THRB: variants seen among roughly 807,000 people sequenced by gnomAD.
The protein encoded by THRB is nuclear receptor subfamily 1 group A member 2.
A neutral mutation model predicts 47.8 loss-of-function variants in THRB; 12 were observed. The observed-to-expected ratio is 0.25, with a 90% CI of 0.16 to 0.41. The LOEUF (loss-of-function observed/expected upper bound fraction) is 0.41, where lower values mean the gene tolerates loss of function less well. Among genes scored for constraint, THRB ranks in the 10% least tolerant of loss-of-function variants. The pLI is 1.00. For synonymous variants in THRB, 218 were observed against 212.2 expected (o/e 1.03, Z -0.24); for missense variants, 348 against 589.2 (o/e 0.59, Z 4.24).
intron 1 of THRB, among the ~76,000 whole-genome samples, chr3:24,450,065 G>A (rs1308529063): frequency 1.3e-5 from 2 of 151,388 alleles, no homozygotes; most frequent in Non-Finnish European, 2.9e-5. Context: ...GAAGAAGGGA[G>A]AGAGAAGGAA....
chr3:24,127,395 A>C, intron 10 of THRB, 104 bp downstream of exon 10: 1 of 1,233,820 alleles, frequency 8.1e-7, no homozygotes, highest in South Asian at 1.3e-5. Flanking sequence ...AGAGTGAGCT[A>C]TGTTTCTGAA....
chr3:24,122,619 T>G lies in THRB; in HGVS notation c.*265A>C, dbSNP rs1364645101. The G allele has an allele frequency of 2.0e-6, 1 of 499,416 alleles. No homozygotes were observed. The highest frequency in any genetic ancestry group is 3.6e-6 in the Non-Finnish European group (1 of 274,640). The allele number at this position is 499,416 out of a possible 1,614,324, so 30.9% of individuals were successfully genotyped here. Reference sequence around the variant, plus strand: ...GGGAGCTGGTGATGCTTGGTGCTGGTGAGTTAATGATTGTCCCCCACCCCA... The same window carrying G: ...GGGAGCTGGTGATGCTTGGTGCTGGGGAGTTAATGATTGTCCCCCACCCCA... On this transcript the variant is annotated 3_prime_UTR_variant, in exon 11 of 11. Coordinates refer to ENST00000646209, the MANE Select transcript of THRB (RefSeq NM_001354712.2).
chr3:24,382,055 C>A (rs1283895288), intron 1 of THRB, among the ~76,000 whole-genome samples: 6 of 151,116 alleles, frequency 4.0e-5, no homozygotes, highest in Admixed American at 4.0e-4. Context: ...GAAAAAAAAA[C>A]CAGTGGAGAA....
chr3:24,271,993 C>T (rs1300619208), intron 3 of THRB, among the ~76,000 whole-genome samples: 1 of 152,088 alleles, frequency 6.6e-6, no homozygotes, highest in Middle Eastern at 3.2e-3. Context: ...ATAGTGGCTA[C>T]TCATTAATAA....
At chr3:24,347,042 T>C (rs34911574) in intron 1 of THRB, among the ~76,000 whole-genome samples, 35,422 of 151,914 alleles carry the variant, frequency 0.23, 4,517 homozygotes, top group Admixed American at 0.37. Flanking sequence ...AAATCAAACA[T>C]AAGATGTTTA....
chr3:24,140,464 T>C (rs114131801), intron 8 of THRB, among the ~76,000 whole-genome samples: 183 of 152,332 alleles, frequency 1.2e-3, no homozygotes, highest in African/African-American at 4.3e-3. Context: ...TTCTGGTCCC[T>C]GGGCTGCTTG....
chr3:24,135,820 CATATATAT>C (rs34338818), intron 8 of THRB, among the ~76,000 whole-genome samples: 18 of 98,488 alleles, frequency 1.8e-4, no homozygotes, highest in South Asian at 3.4e-4. Flanking sequence ...GGCAGAGAGT[CATATATAT>C]ATATATATAT....
At chr3:24,186,752 C>G (rs1340932205) in intron 5 of THRB, among the ~76,000 whole-genome samples, 1 of 151,910 alleles carries the variant, frequency 6.6e-6, no homozygotes, top group Non-Finnish European at 1.5e-5. Context: ...TTGAGACCTG[C>G]CTGGCCAACA....
At chr3:24,171,818 A>C (rs1390519796) in intron 5 of THRB, among the ~76,000 whole-genome samples, 3 of 152,122 alleles carry the variant, frequency 2.0e-5, no homozygotes, top group Non-Finnish European at 4.4e-5. Flanking sequence ...TTACTTCCTC[A>C]GTCCTGGGAG....
intron 1 of THRB, among the ~76,000 whole-genome samples, chr3:24,353,283 ACAGT>A (rs1484106144): frequency 6.6e-6 from 1 of 150,916 alleles, no homozygotes; most frequent in Non-Finnish European, 1.5e-5. Context: ...TAGCCTACAC[ACAGT>A]CAGTGTAAAT....
intron 1 of THRB, among the ~76,000 whole-genome samples, chr3:24,382,140 A>G (rs11129150): frequency 0.53 from 81,009 of 151,794 alleles, 22,522 homozygotes; most frequent in African/African-American, 0.69. Context: ...AGCCAAAGAT[A>G]AGATGAACAG....
At chr3:24,456,431 A>T (rs1483568576) in intron 1 of THRB, among the ~76,000 whole-genome samples, 1 of 152,018 alleles carries the variant, frequency 6.6e-6, no homozygotes. Context: ...TTGAAAAGGC[A>T]ACCAGGTTCC....
At chr3:24,157,033 G>A (rs924324303) in intron 5 of THRB, among the ~76,000 whole-genome samples, 5 of 152,114 alleles carry the variant, frequency 3.3e-5, no homozygotes, top group Admixed American at 1.3e-4. Context: ...TCATCCATTT[G>A]TTTATTTAAC....
In THRB at chr3:24,229,426, C is replaced by G. The variant is rs1354687524; in HGVS notation, c.-42-425G>C. 3.3e-5 allele frequency among the ~76,000 whole-genome samples: 5 copies of G among 152,180 alleles called. No homozygotes were observed. The East Asian group carries it at 9.6e-4, about 29-fold the overall frequency. ...GAGAAATAGAAAATTTGGGCATCCC[C>G]TCAGTCAGAATCTGCATTTGGACAA... On this transcript the variant is annotated intron_variant, in intron 3 of 10. Coordinates refer to ENST00000646209, the MANE Select transcript of THRB (RefSeq NM_001354712.2).
At chr3:24,349,499 T>G (rs1173238628) in intron 1 of THRB, among the ~76,000 whole-genome samples, 2 of 152,098 alleles carry the variant, frequency 1.3e-5, no homozygotes, top group Non-Finnish European at 2.9e-5. Context: ...TGACACAGGA[T>G]AGACAAATAG....
chr3:24,380,859 G>A (rs896614003), intron 1 of THRB, among the ~76,000 whole-genome samples: 3 of 152,162 alleles, frequency 2.0e-5, no homozygotes, highest in African/African-American at 7.2e-5. Context: ...GCTCACGCCT[G>A]TAATCCCAAC....
chr3:24,221,509 G>A (rs1185602518), intron 4 of THRB, among the ~76,000 whole-genome samples: 2 of 152,200 alleles, frequency 1.3e-5, no homozygotes, highest in Non-Finnish European at 2.9e-5. Context: ...TAATGGGGAT[G>A]ATGATGTGGG....
intron 1 of THRB, among the ~76,000 whole-genome samples, chr3:24,424,601 G>A (rs1436655428): frequency 1.3e-4 from 20 of 151,918 alleles, no homozygotes; most frequent in Admixed American, 1.2e-3. Context: ...TACATGATAA[G>A]AATTATAAGG....
chr3:24,317,643 A>G (rs543497277), intron 2 of THRB, among the ~76,000 whole-genome samples: 18 of 152,198 alleles, frequency 1.2e-4, no homozygotes, highest in Non-Finnish European at 2.5e-4. Context: ...ACAAAACAAA[A>G]CAAAAACCTA....
Sources: allele counts gnomAD v4.1 joint callset (sites outside exome capture counted in the v4.1 genomes callset), GRCh38; gene constraint gnomAD v4.1.1; transcripts MANE v1.5; gene names NCBI Gene and HGNC (gene_info 2026-07-23, HGNC 2026-07-21).